LBR: variants seen among roughly 807,000 people sequenced by gnomAD.
LBR encodes delta(14)-sterol reductase LBR.
LBR carries 28 observed loss-of-function variants against 74.3 expected under a neutral mutation model. That is an observed-to-expected ratio of 0.38 (90% CI 0.28 to 0.52). The LOEUF (loss-of-function observed/expected upper bound fraction) is 0.52. Ranked by LOEUF, LBR falls within the 20% of genes least tolerant of loss-of-function variation. The probability of loss-of-function intolerance (pLI) is 0.89; values close to 1 mark genes in which losing one functional copy is unlikely to be tolerated. For missense variants in LBR, 717 were observed against 760.3 expected (o/e 0.94, Z 0.67); for synonymous variants, 228 against 269.3 (o/e 0.85, Z 1.50).
At chr1:225,426,330 T>C (rs1028324012) in intron 1 of LBR, among the ~76,000 whole-genome samples, 2 of 152,186 alleles carry the variant, frequency 1.3e-5, no homozygotes, top group Non-Finnish European at 1.5e-5. Context: ...CATTTGTTCG[T>C]GTCACTCACT....
At chr1:225,423,778 T>C (rs1014024617) in intron 2 of LBR, 133 bp downstream of exon 2, 11 of 854,598 alleles carry the variant, frequency 1.3e-5, no homozygotes, top group Non-Finnish European at 2.0e-5. Flanking sequence ...AAAAACAGTA[T>C]GTGACCCAAA....
upstream of LBR, chr1:225,428,176 A>T (rs2096145035): frequency 6.6e-6 from 1 of 151,482 alleles, no homozygotes; most frequent in Non-Finnish European, 1.5e-5. Context: ...TGGCTCCTCG[A>T]CCTTTTGAAT....
rs759372127 is a variant in LBR, at chr1:225,410,436, T to G, written c.1189-20A>C. 1 of 1,613,422 alleles carries G rather than the reference T, an allele frequency of 6.2e-7. No homozygotes were observed. Among genetic ancestry groups the G allele is most frequent in the East Asian group, 2.2e-5 (1 of 44,852 alleles). ...AACCACCTGAAACAAAAGGGGAAAG[T>G]ATATAGCCTCAAAGCACCTCCCCAG... On this transcript the variant is annotated intron_variant, in intron 9 of 13. Transcript: ENST00000272163.
At chr1:225,423,126 T>A (rs147583310) in intron 2 of LBR, among the ~76,000 whole-genome samples, 60 of 152,364 alleles carry the variant, frequency 3.9e-4, no homozygotes, top group African/African-American at 1.4e-3. Flanking sequence ...GAAATAGGTG[T>A]ATGGAAATGT....
At chr1:225,427,567 C>G (rs879622253) in intron 1 of LBR, 11 of 152,152 alleles carry the variant, frequency 7.2e-5, no homozygotes, top group Non-Finnish European at 1.5e-4. Context: ...GACGGGCGCT[C>G]GGAGGGGCCG....
chr1:225,407,022 C>T (rs982303296), intron 10 of LBR, among the ~76,000 whole-genome samples, 190 bp from the exon 11 acceptor site: 16 of 152,272 alleles, frequency 1.1e-4, no homozygotes, highest in African/African-American at 2.9e-4. Flanking sequence ...TCTCCCGTCA[C>T]GCCAGCCTCT....
In LBR at chr1:225,415,308, C is replaced by T. The variant is rs1425669232; in HGVS notation, c.862G>A (p.Asp288Asn). ...GKVVEGTPLI[D>N]GRRLKYRLNG... ...AATCTATACTTGAGTCTTCTTCCATCAATAAGAGGCGTTCCTTCTACAACC... is the reference window on the plus strand; with the variant it reads ...AATCTATACTTGAGTCTTCTTCCATTAATAAGAGGCGTTCCTTCTACAACC... Residue 288 changes from aspartate (D) to asparagine (N), a missense_variant, in exon 7 of 14, where the codon GAT (aspartate) becomes AAT (asparagine). Transcript: ENST00000272163. 1.3e-6 allele frequency: 2 copies of T among 1,594,786 alleles called. No individual in the cohort carries two copies. The highest frequency in any genetic ancestry group is 2.7e-5 in the African/African-American group (2 of 74,534).
intron 10 of LBR, among the ~76,000 whole-genome samples, chr1:225,409,166 G>A (rs2096099140): frequency 6.8e-6 from 1 of 147,626 alleles, no homozygotes; most frequent in South Asian, 2.2e-4. Context: ...AAGTCAATTT[G>A]AAGTGTTATC....
chr1:225,419,439 A>T lies in LBR; in HGVS notation c.464T>A (p.Leu155Ter). ...PHKNTQEKFS[L>*]SQESSYIATQ... ...TGCTATGTAACTGCTTTCTTGTGAC[A>T]AACTGAATTTTTCCTAAATGAAAAA... The change falls in exon 5 of 14, where the codon TTG (leucine) becomes TAG (stop). Residue 155 changes from leucine to a stop codon, truncating the protein, a stop_gained. Transcript: ENST00000272163. LOFTEE classifies it high-confidence loss of function. 6.2e-7 allele frequency: 1 copy of T among 1,612,106 alleles called. No individual in the cohort carries two copies. The highest frequency in any genetic ancestry group is 1.1e-5 in the South Asian group (1 of 90,982).
intron 5 of LBR, among the ~76,000 whole-genome samples, chr1:225,418,941 C>A (rs2096122491): frequency 6.6e-6 from 1 of 152,230 alleles, no homozygotes; most frequent in Admixed American, 6.5e-5. Flanking sequence ...TGATAAGTAA[C>A]CATCTATGCT....
intron 6 of LBR, among the ~76,000 whole-genome samples, chr1:225,416,688 A>G (rs1481315392): frequency 6.6e-6 from 1 of 152,226 alleles, no homozygotes; most frequent in Non-Finnish European, 1.5e-5. Flanking sequence ...ATCCACATCC[A>G]TGGATTCAAC....
At chr1:225,423,056 C>T (rs1370572290) in intron 2 of LBR, among the ~76,000 whole-genome samples, 1 of 152,152 alleles carries the variant, frequency 6.6e-6, no homozygotes, top group Non-Finnish European at 1.5e-5. Context: ...CTCGAAGTGT[C>T]ATCCTCAGCC....
chr1:225,419,719 G>T lies in LBR; in HGVS notation c.446C>A (p.Thr149Lys). The part of the protein sequence containing the change: ...IERNDAPHKN[T>K]QEKFSLSQES... ...TGAAAGGGAACACTTTCCCACCTGT[G>T]TATTTTTATGAGGTGCGTCATTTCT... is the stretch of plus-strand genomic sequence containing the variant. Residue 149 changes from threonine (T) to lysine (K), a missense_variant, in exon 4 of 14, where the codon ACA (threonine) becomes AAA (lysine). By Grantham distance (78) the Thr-to-Lys change is moderately conservative. Transcript: ENST00000272163. The T allele has an allele frequency of 1.2e-6, 2 of 1,605,592 alleles. No homozygotes were observed. Among genetic ancestry groups the T allele is most frequent in the Non-Finnish European group, 1.7e-6 (2 of 1,173,714 alleles).
intron 5 of LBR, 94 bp downstream of exon 5, chr1:225,419,169 C>T (rs2096122880): frequency 8.4e-7 from 1 of 1,195,320 alleles, no homozygotes; most frequent in Non-Finnish European, 1.2e-6. Flanking sequence ...TTGCCTGCCT[C>T]AGATGTCTTC....
At chr1:225,422,309 C>G in intron 2 of LBR, 32 bp from the exon 3 acceptor site, 1 of 1,565,302 alleles carries the variant, frequency 6.4e-7, no homozygotes, top group South Asian at 1.1e-5. Context: ...AAGAGCTTTA[C>G]CACAAATCAT....
chr1:225,417,786 G>A, intron 6 of LBR, 198 bp downstream of exon 6: 1 of 579,896 alleles, frequency 1.7e-6, no homozygotes, highest in Non-Finnish European at 3.1e-6. Context: ...CATGAACTAA[G>A]TTTTGGGAAT....
chr1:225,422,507 T>C (rs2096129650), intron 2 of LBR: 3 of 553,054 alleles, frequency 5.4e-6, no homozygotes, highest in Non-Finnish European at 6.5e-6. Context: ...TCTTTGAAGG[T>C]ATTTCCATGA....
In LBR at chr1:225,410,153, G is replaced by T. The variant is rs2096101696; in HGVS notation, c.1314+138C>A. On this transcript the variant is annotated intron_variant, in intron 10 of 13. Coordinates refer to ENST00000272163, the MANE Select transcript of LBR (RefSeq NM_002296.4). The stretch of plus-strand genomic sequence containing the variant: ...CTCCCTCGTCAGCTTCACATGGATG[G>T]CCTCGTCCTCCTCTCAAGCAGCCTT... 5.4e-6 allele frequency: 7 copies of T among 1,300,032 alleles called. No homozygotes were observed. In the South Asian group the frequency reaches 6.0e-5, roughly 11 times the overall value. 80.5% of individuals were successfully genotyped at this position (1,300,032 alleles called of 1,614,324 possible).
rs1049907334 is a variant in LBR at position 225,402,194 on chromosome 1, G to A, written c.*1109C>T. The A allele has an allele frequency of 1.3e-5, 2 of 152,150 alleles. No homozygotes were observed. Among genetic ancestry groups the A allele is most frequent in the Non-Finnish European group, 1.5e-5 (1 of 68,008 alleles). 9.4% of individuals were successfully genotyped at this position (152,150 alleles called of 1,614,324 possible). ...ACAGCACTCCTTTACAGGGAGTCAG[G>A]TTTGGTAAATATAAAGGATACATAA... is the stretch of plus-strand genomic sequence containing the variant. On this transcript the variant is annotated 3_prime_UTR_variant, in exon 14 of 14. Transcript: ENST00000272163.
Sources: gnomAD v4.1 joint callset for allele counts (sites outside exome capture counted in the v4.1 genomes callset) on GRCh38, gnomAD v4.1.1 for gene constraint, MANE v1.5 for transcripts, NCBI Gene and HGNC (gene_info 2026-07-23, HGNC 2026-07-21) for gene names.